GNG4: variants seen among roughly 807,000 people sequenced by gnomAD.
GNG4 encodes guanine nucleotide-binding protein G(I)/G(S)/G(O) subunit gamma-4.
A neutral mutation model predicts 5.8 loss-of-function variants in GNG4; 4 were observed. That is an observed-to-expected ratio of 0.69 (90% confidence interval 0.34 to 1.57). The LOEUF is 1.57. GNG4 is among the 40% of genes most tolerant of loss of function. The probability of loss-of-function intolerance (pLI) is 0.06; values close to 1 mark genes in which losing one functional copy is unlikely to be tolerated. For missense variants in GNG4, 96 were observed against 95.1 expected (o/e 1.01, Z -0.04); for synonymous variants, 29 against 32.9 (o/e 0.88, Z 0.41).
intron 2 of GNG4, among the ~76,000 whole-genome samples, chr1:235,587,320 TGTGTGAGA>T (rs1427344599): frequency 4.3e-5 from 2 of 46,074 alleles, no homozygotes; most frequent in Non-Finnish European, 3.4e-5. Context: ...GGGGTGTGTG[TGTGTGAGA>T]GTGTGAGAGC....
chr1:235,557,624 C>T (rs1297011342), intron 3 of GNG4, among the ~76,000 whole-genome samples: 1 of 152,162 alleles, frequency 6.6e-6, no homozygotes, highest in African/African-American at 2.4e-5. Context: ...GTTTACCTGT[C>T]CCGGTGGTTA....
rs555967808 is a variant in GNG4, at chr1:235,583,149, G to A, written c.99+591C>T. On this transcript the variant is annotated intron_variant, in intron 3 of 3. Transcript: ENST00000391854. ...CAACGAGCGTCATGCTCACGGACTC[G>A]TTCAGAGCCACATGCTTTGCCTGGC... Among the ~76,000 whole-genome samples the A allele has an allele frequency of 3.3e-5, 5 of 152,326 alleles. 1 individual carries two copies. Among genetic ancestry groups the A allele is most frequent in the Admixed American group, 1.3e-4 (2 of 15,306 alleles).
intron 3 of GNG4, among the ~76,000 whole-genome samples, chr1:235,556,208 A>G (rs2102911815): frequency 6.6e-6 from 1 of 152,086 alleles, no homozygotes; most frequent in South Asian, 2.1e-4. Context: ...TCTTAAAGCC[A>G]CTTTACAGAT....
intron 2 of GNG4, among the ~76,000 whole-genome samples, chr1:235,587,617 GTGTGAATGT>G (rs1687837069): frequency 3.9e-3 from 1 of 256 alleles, no homozygotes; most frequent in Non-Finnish European, 7.5e-3. Context: ...GGGGTGGGGT[GTGTGAATGT>G]GGGGTGGAGT....
intron 3 of GNG4, among the ~76,000 whole-genome samples, chr1:235,568,080 C>A (rs1416454893): frequency 6.6e-6 from 1 of 152,184 alleles, no homozygotes; most frequent in Admixed American, 6.5e-5. Context: ...CCAGCCCCTG[C>A]CTTTTTGGAG....
chr1:235,627,098 A>G (rs1688832802), intron 1 of GNG4, among the ~76,000 whole-genome samples: 2 of 149,638 alleles, frequency 1.3e-5, no homozygotes. Flanking sequence ...CACAGACCTG[A>G]GGGAGGCTCT....
At chr1:235,585,377 C>T (rs1020498794) in intron 2 of GNG4, among the ~76,000 whole-genome samples, 26 of 152,156 alleles carry the variant, frequency 1.7e-4, no homozygotes, top group African/African-American at 6.3e-4. Context: ...GTAGCTGAGA[C>T]TACAGGTGTG....
At position 235,561,171 on chromosome 1, in the gene GNG4, G is replaced by A. The variant is rs568498249; in HGVS notation, c.100-8934C>T. On this transcript the variant is annotated intron_variant, in intron 3 of 3. Coordinates refer to ENST00000391854, the MANE Select transcript of GNG4 (RefSeq NM_001098722.2). ...ACTACAGGCGCCTGCCACCACGGCCGGCTAATTTTTTGTATTTTTAGTAGA... is the reference window on the plus strand; with the variant it reads ...ACTACAGGCGCCTGCCACCACGGCCAGCTAATTTTTTGTATTTTTAGTAGA... 2.7e-4 allele frequency among the ~76,000 whole-genome samples: 41 copies of A among 152,102 alleles called. No individual in the cohort carries two copies. The South Asian group carries it at 8.1e-3, about 30-fold the overall frequency.
At chr1:235,631,362 A>C (rs1688928210) in intron 1 of GNG4, among the ~76,000 whole-genome samples, 1 of 152,082 alleles carries the variant, frequency 6.6e-6, no homozygotes, top group Admixed American at 6.5e-5. Flanking sequence ...ACTCTCTAAA[A>C]TTGTAATGTG....
At chr1:235,581,531 AAAG>A (rs1278578508) in intron 3 of GNG4, among the ~76,000 whole-genome samples, 1 of 151,818 alleles carries the variant, frequency 6.6e-6, no homozygotes, top group Non-Finnish European at 1.5e-5. Context: ...GAAAAAAAAA[AAAG>A]GTGTGTATCG....
intron 1 of GNG4, among the ~76,000 whole-genome samples, chr1:235,606,738 C>A (rs1233995645): frequency 3.9e-5 from 6 of 152,104 alleles, no homozygotes; most frequent in Middle Eastern, 6.8e-3. Context: ...CGGAGCTGAG[C>A]AACTCATGAC....
At chr1:235,597,617 T>C (rs1486051277) in intron 1 of GNG4, among the ~76,000 whole-genome samples, 9 of 110,530 alleles carry the variant, frequency 8.1e-5, no homozygotes, top group Non-Finnish European at 1.7e-4. Flanking sequence ...TGTGTGTGTG[T>C]GTGTGTGTGT....
intron 1 of GNG4, among the ~76,000 whole-genome samples, chr1:235,600,984 C>G (rs1324530773): frequency 6.6e-6 from 1 of 152,192 alleles, no homozygotes. Context: ...CTCTGGTGTG[C>G]ATGAAAGAAT....
At chr1:235,624,104 CTTTT>C (rs34430706) in intron 1 of GNG4, among the ~76,000 whole-genome samples, 2 of 138,866 alleles carry the variant, frequency 1.4e-5, no homozygotes, top group African/African-American at 5.4e-5. Flanking sequence ...TGGCCAATTC[CTTTT>C]TTTTTTTTTT....
chr1:235,590,046 C>A (rs538990393), intron 2 of GNG4, among the ~76,000 whole-genome samples: 1 of 152,164 alleles, frequency 6.6e-6, no homozygotes, highest in Non-Finnish European at 1.5e-5. Flanking sequence ...ACGTCTCTGG[C>A]GCTTTTCCTC....
At chr1:235,604,492 C>T (rs1286040869) in intron 1 of GNG4, among the ~76,000 whole-genome samples, 1 of 152,184 alleles carries the variant, frequency 6.6e-6, no homozygotes, top group Admixed American at 6.5e-5. Context: ...TCTGAAGGCC[C>T]CAGGAGAAAA....
At position 235,550,657 on chromosome 1, in the gene GNG4, C is replaced by G. The variant is rs1016048344; in HGVS notation, c.*1452G>C. On this transcript the variant is annotated 3_prime_UTR_variant, in exon 4 of 4. Coordinates refer to ENST00000391854, the MANE Select transcript of GNG4 (RefSeq NM_001098722.2). Reference sequence around the variant, plus strand: ...TCTCTACTAAAAATACAAAAATGAGCCAGGCATGTTGGCGTGTGCTTGTCA... The same window carrying G: ...TCTCTACTAAAAATACAAAAATGAGGCAGGCATGTTGGCGTGTGCTTGTCA... The G allele has an allele frequency of 1.3e-5, 2 of 152,024 alleles. No individual in the cohort carries two copies. The highest frequency in any genetic ancestry group is 2.9e-5 in the Non-Finnish European group (2 of 68,008). The allele number at this position is 152,024 out of a possible 1,614,324, so 9.4% of individuals were successfully genotyped here.
intron 2 of GNG4, among the ~76,000 whole-genome samples, chr1:235,588,256 C>T (rs1043968439): frequency 1.3e-5 from 2 of 152,068 alleles, no homozygotes; most frequent in African/African-American, 2.4e-5. Context: ...GGGTGGGTGA[C>T]CCTCTGGGGG....
intron 1 of GNG4, chr1:235,615,678 A>G (rs1688573877): frequency 9.4e-6 from 2 of 212,350 alleles, no homozygotes; most frequent in African/African-American, 4.7e-5. Context: ...TGTTTCTCAA[A>G]CAGGAAAATG....
Sources: allele counts gnomAD v4.1 joint callset (sites outside exome capture counted in the v4.1 genomes callset), GRCh38; gene constraint gnomAD v4.1.1; transcripts MANE v1.5; gene names NCBI Gene and HGNC (gene_info 2026-07-23, HGNC 2026-07-21).